The following PPARA variants were observed in gnomAD, a reference collection of about 807,000 sequenced individuals.
PPARA encodes the protein peroxisome proliferator activated receptor alpha, also known as peroxisome proliferator-activated receptor alpha.
PPARA carries 22 observed loss-of-function variants against 42.2 expected under a neutral mutation model. The observed-to-expected ratio is 0.52, with a 90% CI of 0.37 to 0.74. PPARA has a LOEUF of 0.74. PPARA is among the 30% of genes least tolerant of loss of function. The pLI is 0.00. For synonymous variants in PPARA, 242 were observed against 239.3 expected (o/e 1.01, Z -0.10); for missense variants, 465 against 608.2 (o/e 0.76, Z 2.48).
intron 5 of PPARA, among the ~76,000 whole-genome samples, chr22:46,217,746 A>G (rs1934614981): frequency 6.6e-6 from 1 of 150,986 alleles, no homozygotes; most frequent in Non-Finnish European, 1.5e-5. Context: ...TGTTTTTCAC[A>G]TTAAATGTAA....
chr22:46,214,481 G>A (rs530731500), intron 4 of PPARA, among the ~76,000 whole-genome samples: 5 of 148,854 alleles, frequency 3.4e-5, no homozygotes, highest in Non-Finnish European at 1.5e-5. Flanking sequence ...GGAGATGGGC[G>A]AATCGGAGAT....
intron 4 of PPARA, among the ~76,000 whole-genome samples, chr22:46,199,331 C>A (rs1932746321): frequency 6.6e-6 from 1 of 152,072 alleles, no homozygotes; most frequent in Non-Finnish European, 1.5e-5. Flanking sequence ...TACTTCATAG[C>A]AATTTAAAAG....
Position 46,188,095 on chromosome 22 carries a change from G to A in PPARA, c.-42-10247G>A, listed in dbSNP as rs139400146. Reference sequence around the variant, plus strand: ...ACTGAGGCCATCCAGCCATAGCTGAGCCACAAAATGACCACAGCTATGTGA... The same window carrying A: ...ACTGAGGCCATCCAGCCATAGCTGAACCACAAAATGACCACAGCTATGTGA... On this transcript the variant is annotated intron_variant, in intron 3 of 8. Transcript: ENST00000407236. The surrounding 1 kb of genome is among the most constrained non-coding windows in gnomAD (Gnocchi z 5.0). Among the ~76,000 whole-genome samples the A allele has an allele frequency of 6.6e-6, 1 of 152,340 alleles. No homozygotes were observed. Among genetic ancestry groups the A allele is most frequent in the East Asian group, 1.9e-4 (1 of 5,188 alleles).
intron 4 of PPARA, among the ~76,000 whole-genome samples, chr22:46,201,215 C>T (rs528807677): frequency 6.6e-6 from 1 of 152,022 alleles, no homozygotes; most frequent in African/African-American, 2.4e-5. Context: ...TCTCAGCTTG[C>T]TCTAGAGGGC....
In PPARA at chr22:46,196,246, G is replaced by A. The variant is rs763434123; in HGVS notation, c.-42-2096G>A. On this transcript the variant is annotated intron_variant, in intron 3 of 8. Coordinates refer to ENST00000407236, the MANE Select transcript of PPARA (RefSeq NM_005036.6). The surrounding 1 kb of genome is among the most constrained non-coding windows in gnomAD (Gnocchi z 5.6). Reference sequence around the variant, plus strand: ...TCACTTATACCCCTATGGAAATGCCGTTCGCTTTGCTAGTTGAAATAGCCT... The same window carrying A: ...TCACTTATACCCCTATGGAAATGCCATTCGCTTTGCTAGTTGAAATAGCCT... 2.5e-4 allele frequency among the ~76,000 whole-genome samples: 38 copies of A among 152,334 alleles called. No individual in the cohort carries two copies. The highest frequency in any genetic ancestry group is 8.7e-4 in the African/African-American group (36 of 41,570).
chr22:46,164,344 C>T (rs1048331614), intron 2 of PPARA: 20 of 151,700 alleles, frequency 1.3e-4, no homozygotes, highest in Non-Finnish European at 2.6e-4. Context: ...CCTCCGCTTC[C>T]AGGGTTCAAG....
chr22:46,239,945 T>C lies in PPARA; in HGVS notation c.*4565T>C, dbSNP rs902421948. ...GGAGGGTTTTTTGGTCCTGATCCAG[T>C]GGCCACACCTGTCTTTGAAATGTCT... On this transcript the variant is annotated 3_prime_UTR_variant, in exon 9 of 9. Transcript: ENST00000407236. The C allele has an allele frequency of 1.6e-5, 6 of 384,602 alleles. No individual in the cohort carries two copies. Among genetic ancestry groups the C allele is most frequent in the Non-Finnish European group, 1.4e-5 (3 of 217,960 alleles). The allele number at this position is 384,602 out of a possible 1,614,324, so 23.8% of individuals were successfully genotyped here.
chr22:46,218,204 A>G, intron 5 of PPARA, 59 bp from the exon 6 acceptor site: 1 of 1,600,530 alleles, frequency 6.2e-7, no homozygotes, highest in Non-Finnish European at 8.6e-7. Context: ...TGAGTAAAGC[A>G]AGTGCGCTGG....
At chr22:46,169,712 A>G (rs75525202) in intron 2 of PPARA, among the ~76,000 whole-genome samples, 3,766 of 152,184 alleles carry the variant, frequency 0.025, 171 homozygotes, top group East Asian at 0.13. Context: ...TGAAAAAGAT[A>G]TATAAGATCT....
rs34036883 is a variant in PPARA at position 46,233,005 on chromosome 22, T to TACAC, written c.1159+784_1159+787dup. 2.0e-4 allele frequency among the ~76,000 whole-genome samples: 28 copies of TACAC among 138,736 alleles called. No homozygotes were observed. The highest frequency in any genetic ancestry group is 3.0e-4 in the Non-Finnish European group (19 of 64,052). 91.0% of individuals were successfully genotyped at this position (138,736 alleles called of 152,430 possible). On this transcript the variant is annotated intron_variant, in intron 8 of 8. Transcript: ENST00000407236. The surrounding 1 kb of genome is among the most constrained non-coding windows in gnomAD (Gnocchi z 7.3). ...TCAAAAAAAAAAAAAAAAAAAATTA[T>TACAC]ACACACACACACACACACACATTTC... is the stretch of plus-strand genomic sequence containing the variant.
At chr22:46,169,017 A>C (rs73460625) in intron 2 of PPARA, among the ~76,000 whole-genome samples, 1 of 151,896 alleles carries the variant, frequency 6.6e-6, no homozygotes, top group Non-Finnish European at 1.5e-5. Context: ...AGTGGTTGCC[A>C]GGGGCTCATG....
intron 3 of PPARA, 69 bp from the exon 4 acceptor site, chr22:46,198,272 TA>T: frequency 3.5e-6 from 2 of 568,918 alleles, no homozygotes; most frequent in South Asian, 3.6e-5. Flanking sequence ...AAATAAATAA[TA>T]AAAAATAAAA....
intron 4 of PPARA, among the ~76,000 whole-genome samples, chr22:46,214,575 G>T (rs534735812): frequency 6.8e-6 from 1 of 146,366 alleles, no homozygotes; most frequent in East Asian, 2.0e-4. Flanking sequence ...CCAGAGATGT[G>T]GGGGTCCGGA....
rs544711824 is a variant in PPARA, at chr22:46,234,928, A to T, written c.1160-205A>T. On this transcript the variant is annotated intron_variant, in intron 8 of 8. Coordinates refer to ENST00000407236, the MANE Select transcript of PPARA (RefSeq NM_005036.6). The surrounding 1 kb of genome is among the most constrained non-coding windows in gnomAD (Gnocchi z 5.8). ...CTAGTAGTATGAATATTTAGGAAAG[A>T]GTACTGGTCCTGTCTGTCCCTACTT... 1.4e-4 allele frequency among the ~76,000 whole-genome samples: 22 copies of T among 152,334 alleles called. No homozygotes were observed. Among genetic ancestry groups the T allele is most frequent in the African/African-American group, 4.8e-4 (20 of 41,576 alleles).
intron 4 of PPARA, among the ~76,000 whole-genome samples, chr22:46,201,842 A>G (rs1403443039): frequency 6.6e-6 from 1 of 152,142 alleles, no homozygotes; most frequent in Non-Finnish European, 1.5e-5. Context: ...TTTTCCTATA[A>G]TGACTATTTG....
At chr22:46,215,503 C>A in intron 5 of PPARA, 170 bp downstream of exon 5, 1 of 807,002 alleles carries the variant, frequency 1.2e-6, no homozygotes, top group Non-Finnish European at 2.0e-6. Context: ...TTTGGGAGAC[C>A]GAGATGGGTG....
chr22:46,169,470 G>A (rs781732010), intron 2 of PPARA, among the ~76,000 whole-genome samples: 2 of 151,798 alleles, frequency 1.3e-5, no homozygotes, highest in Non-Finnish European at 1.5e-5. Flanking sequence ...TCCTGCTGTC[G>A]TGATCTGCCC....
rs564636299 is a variant in PPARA at position 46,219,320 on chromosome 22, G to A, written c.509-492G>A. 1.9e-4 allele frequency among the ~76,000 whole-genome samples: 29 copies of A among 152,116 alleles called. No homozygotes were observed. The highest frequency in any genetic ancestry group is 8.8e-5 in the Non-Finnish European group (6 of 68,034). On this transcript the variant is annotated intron_variant, in intron 6 of 8. Coordinates refer to ENST00000407236, the MANE Select transcript of PPARA (RefSeq NM_005036.6). This position sits in a 1 kb window ranked among gnomAD's most constrained non-coding sequence, Gnocchi z 4.8. ...GAATGTTCACCTCGTCCATAGGAAG[G>A]GTGTACCACCTCAAACATCTCACCA...
rs543190279 is a variant in PPARA, at chr22:46,195,964, G to A, written c.-42-2378G>A. 2.0e-5 allele frequency among the ~76,000 whole-genome samples: 3 copies of A among 152,322 alleles called. No homozygotes were observed. The highest frequency in any genetic ancestry group is 1.3e-4 in the Admixed American group (2 of 15,294). On this transcript the variant is annotated intron_variant, in intron 3 of 8. Transcript: ENST00000407236. The surrounding 1 kb of genome is among the most constrained non-coding windows in gnomAD (Gnocchi z 4.6). ...CGAGGCAGAGCCTCTAGAAGGCAGCGGTGGGCAGGGCGGTTCAGGCAGGTG... is the reference window on the plus strand; with the variant it reads ...CGAGGCAGAGCCTCTAGAAGGCAGCAGTGGGCAGGGCGGTTCAGGCAGGTG...
Sources: gnomAD v4.1 joint callset for allele counts (sites outside exome capture counted in the v4.1 genomes callset) on GRCh38, gnomAD v4.1.1 for gene constraint, Gnocchi (gnomAD v3.1) non-coding constraint, MANE v1.5 for transcripts, NCBI Gene and HGNC (gene_info 2026-07-23, HGNC 2026-07-21) for gene names.